RUNX1T1: variants seen among roughly 807,000 people sequenced by gnomAD.
RUNX1T1 encodes protein CBFA2T1.
A neutral mutation model predicts 62.8 loss-of-function variants in RUNX1T1; 4 were observed. The observed-to-expected ratio is 0.06, with a 90% CI of 0.03 to 0.15. The LOEUF (loss-of-function observed/expected upper bound fraction) is 0.15. Ranked by LOEUF, RUNX1T1 falls within the 10% of genes least tolerant of loss-of-function variation. The pLI, the probability that RUNX1T1 is intolerant of heterozygous loss-of-function variation, is 1.00. For missense variants in RUNX1T1, 508 were observed against 754.3 expected, an observed-to-expected ratio of 0.67 and a Z score of 3.82; for synonymous variants, 291 against 286.0, an observed-to-expected ratio of 1.02 and a Z score of -0.18.
chr8:92,008,828 A>G (rs1012693337), intron 4 of RUNX1T1, among the ~76,000 whole-genome samples: 1 of 152,208 alleles, frequency 6.6e-6, no homozygotes, highest in East Asian at 1.9e-4. Context: ...GGATGAAGCA[A>G]ATATATTTTC....
At chr8:91,993,495 T>C (rs1472267624) in intron 5 of RUNX1T1, among the ~76,000 whole-genome samples, 1 of 152,058 alleles carries the variant, frequency 6.6e-6, no homozygotes, top group Non-Finnish European at 1.5e-5. Context: ...CCCTTAGGAC[T>C]CAGCCGTGTG....
intron 10 of RUNX1T1, among the ~76,000 whole-genome samples, chr8:91,969,516 A>C (rs149691220): frequency 6.6e-6 from 1 of 152,372 alleles, no homozygotes; most frequent in Non-Finnish European, 1.5e-5. Flanking sequence ...CTTATATCTT[A>C]GCCACAAGAT....
At chr8:92,047,148 G>A (rs1448289955) in intron 1 of RUNX1T1, among the ~76,000 whole-genome samples, 1 of 152,000 alleles carries the variant, frequency 6.6e-6, no homozygotes, top group Non-Finnish European at 1.5e-5. Context: ...CTACTCTCTG[G>A]TCTCATCTCC....
upstream of RUNX1T1, among the ~76,000 whole-genome samples, chr8:92,066,991 T>G (rs780480601): frequency 1.5e-4 from 23 of 152,240 alleles, no homozygotes; most frequent in Non-Finnish European, 3.1e-4. Context: ...GGCAAGCATT[T>G]GCACCTCCTC....
intron 5 of RUNX1T1, among the ~76,000 whole-genome samples, chr8:91,996,075 A>T (rs1173181873): frequency 1.3e-5 from 2 of 152,200 alleles, no homozygotes; most frequent in Non-Finnish European, 2.9e-5. Flanking sequence ...AAGACTTTTC[A>T]TTGTCCCATA....
chr8:91,977,095 T>C (rs1260959676), intron 8 of RUNX1T1: 2 of 193,998 alleles, frequency 1.0e-5, no homozygotes, highest in Non-Finnish European at 2.2e-5. Context: ...TTTAGCTAAG[T>C]ATATGTTGTT....
intron 1 of RUNX1T1, among the ~76,000 whole-genome samples, chr8:92,054,962 G>A (rs1431060730): frequency 3.9e-5 from 6 of 151,974 alleles, no homozygotes; most frequent in Admixed American, 6.6e-5. Context: ...CCAAGATTGC[G>A]CCACTGCACT....
intron 2 of RUNX1T1, among the ~76,000 whole-genome samples, chr8:92,073,379 C>T (rs1833965503): frequency 1.3e-5 from 2 of 152,160 alleles, no homozygotes. Flanking sequence ...TCCTGCCCCC[C>T]AGCCTCTGCC....
exon 1 of RUNX1T1, chr8:92,062,950 G>A (rs567710000): frequency 1.5e-5 from 19 of 1,250,316 alleles, no homozygotes; most frequent in East Asian, 1.1e-4. Context: ...GCTAAATGCC[G>A]AATAATTTAT....
At chr8:92,066,244 G>C (rs528913846), upstream of RUNX1T1, among the ~76,000 whole-genome samples, 13 of 152,286 alleles carry the variant, frequency 8.5e-5, no homozygotes, top group Admixed American at 2.6e-4. Context: ...TCTTAGAGGA[G>C]ACCCTTCCAC....
At chr8:92,044,390 T>G (rs747664768) in intron 1 of RUNX1T1, among the ~76,000 whole-genome samples, 10 of 152,154 alleles carry the variant, frequency 6.6e-5, no homozygotes, top group Non-Finnish European at 1.3e-4. Context: ...AAGGTAGGTG[T>G]GAAAAAGTCA....
At chr8:92,009,089 T>C (rs1586970280) in intron 4 of RUNX1T1, among the ~76,000 whole-genome samples, 1 of 152,150 alleles carries the variant, frequency 6.6e-6, no homozygotes, top group African/African-American at 2.4e-5. Context: ...GTATGGATGG[T>C]ACAAGACAAG....
intron 1 of RUNX1T1, among the ~76,000 whole-genome samples, chr8:92,044,991 G>T (rs1387173595): frequency 6.6e-6 from 1 of 151,600 alleles, no homozygotes; most frequent in Non-Finnish European, 1.5e-5. Context: ...AGCACTTTGG[G>T]TGGCCAAGGT....
At chr8:91,955,604 A>G (rs1809240975), downstream of RUNX1T1, 2 of 226,190 alleles carry the variant, frequency 8.8e-6, no homozygotes, top group Non-Finnish European at 1.8e-5. Context: ...ACAAGAAGGA[A>G]ACTAGAGGGC....
chr8:92,053,859 G>T lies in RUNX1T1; in HGVS notation c.7+8687C>A, dbSNP rs944084350. On this transcript the variant is annotated intron_variant, in intron 1 of 10. Coordinates refer to ENST00000396218, the Ensembl canonical transcript of RUNX1T1. ...GCCTGGAATGGAATTATTAGAACTA[G>T]AAAATCAAGATCTGAACATAAATGG... 7.2e-5 allele frequency among the ~76,000 whole-genome samples: 11 copies of T among 152,216 alleles called. No homozygotes were observed. The East Asian group carries it at 2.1e-3, about 29-fold the overall frequency.
At chr8:92,100,794 A>C (rs1838000959), upstream of RUNX1T1, among the ~76,000 whole-genome samples, 1 of 152,230 alleles carries the variant, frequency 6.6e-6, no homozygotes, top group Admixed American at 6.5e-5. Context: ...AAAGAGAGGG[A>C]AATCCACAGA....
intron 1 of RUNX1T1, among the ~76,000 whole-genome samples, chr8:92,060,549 A>ATGTGTGTGTGTG (rs1457607602): frequency 9.3e-6 from 1 of 107,050 alleles, no homozygotes; most frequent in Non-Finnish European, 2.1e-5. Flanking sequence ...ATATATATAT[A>ATGTGTGTGTGTG]TATATGTGTG....
At chr8:92,096,246 T>A (rs1837735790) in intron 1 of RUNX1T1, among the ~76,000 whole-genome samples, 1 of 152,112 alleles carries the variant, frequency 6.6e-6, no homozygotes, top group Admixed American at 6.5e-5. Flanking sequence ...CTCCAGAAAT[T>A]GTGTTGGGGG....
chr8:91,983,355 A>C (rs1815841655), intron 8 of RUNX1T1, among the ~76,000 whole-genome samples: 1 of 152,294 alleles, frequency 6.6e-6, no homozygotes, highest in African/African-American at 2.4e-5. Context: ...AACAGGTACA[A>C]CACATCAATC....
Sources: gnomAD v4.1 joint callset for allele counts (sites outside exome capture counted in the v4.1 genomes callset) on GRCh38, gnomAD v4.1.1 for gene constraint, MANE v1.5 for transcripts, NCBI Gene and HGNC (gene_info 2026-07-23, HGNC 2026-07-21) for gene names.